The following ADA2 variants were observed in gnomAD, a reference collection of about 807,000 sequenced individuals.
ADA2 encodes adenosine deaminase 2, also known as adenosine deaminase CECR1.
A neutral mutation model predicts 44.2 loss-of-function variants in ADA2; 29 were observed. The ratio of observed to expected loss-of-function variants is 0.66; its 90% CI spans 0.49 to 0.89. The LOEUF (loss-of-function observed/expected upper bound fraction) is 0.89. Among genes scored for constraint, ADA2 ranks in the 40% least tolerant of loss-of-function variants. ADA2 has a pLI of 0.00. For missense variants in ADA2, 637 were observed against 644.8 expected (o/e 0.99, Z 0.13); for synonymous variants, 215 against 234.9 (o/e 0.92, Z 0.77).
At chr22:17,191,300 AC>A (rs1269010139) in intron 5 of ADA2, among the ~76,000 whole-genome samples, 1 of 152,196 alleles carries the variant, frequency 6.6e-6, no homozygotes, top group African/African-American at 2.4e-5. Flanking sequence ...CTCACACACA[AC>A]CACACACAGA....
chr22:17,203,405 A>G (rs1472104416), intron 4 of ADA2, among the ~76,000 whole-genome samples, 158 bp downstream of exon 4: 2 of 152,104 alleles, frequency 1.3e-5, no homozygotes, highest in Non-Finnish European at 1.5e-5. Context: ...AGTCCATTTC[A>G]GGTTTCCTTG....
At chr22:17,181,724 G>T in intron 9 of ADA2, 96 bp downstream of exon 9, 1 of 1,169,324 alleles carries the variant, frequency 8.6e-7, no homozygotes, top group Non-Finnish European at 1.3e-6. Flanking sequence ...GAACCCACAG[G>T]AACCATCGAG....
Position 17,213,049 on chromosome 22 carries a change from C to G in ADA2, c.-46-3326G>C, listed in dbSNP as rs115034209. 2.4e-3 allele frequency among the ~76,000 whole-genome samples: 365 copies of G among 151,696 alleles called. 1 individual carries two copies. The highest frequency in any genetic ancestry group is 8.5e-3 in the African/African-American group (353 of 41,296). ...AAGCGATCCTCCTGCCTCTACCTCC[C>G]GACATTCTGGGATTATAGATCTGAG... is the stretch of plus-strand genomic sequence containing the variant. On this transcript the variant is annotated intron_variant, in intron 1 of 9. Transcript: ENST00000399837.
intron 4 of ADA2, among the ~76,000 whole-genome samples, chr22:17,200,853 G>T (rs543443280): frequency 6.7e-6 from 1 of 148,408 alleles, no homozygotes; most frequent in Non-Finnish European, 1.5e-5. Context: ...TTGCACTCCA[G>T]CCTGGGCAAC....
rs1455481060 is a variant in ADA2 at position 17,180,403 on chromosome 22, G to C, written c.*1080C>G. 1.3e-5 allele frequency: 2 copies of C among 152,336 alleles called. No homozygotes were observed. Among genetic ancestry groups the C allele is most frequent in the Non-Finnish European group, 2.9e-5 (2 of 68,112 alleles). 9.4% of individuals were successfully genotyped at this position (152,336 alleles called of 1,614,324 possible). ...AGGGATGCGTTCTGATGTAGGGAGT[G>C]GGGGACGGCGCAGCATCAAGACTTG... On this transcript the variant is annotated 3_prime_UTR_variant, in exon 10 of 10. Coordinates refer to ENST00000399837, the MANE Select transcript of ADA2 (RefSeq NM_001282225.2).
At chr22:17,189,904 C>T (rs201162371) in intron 6 of ADA2, 38 bp downstream of exon 6, 83 of 1,466,524 alleles carry the variant, frequency 5.7e-5, no homozygotes, top group South Asian at 4.0e-4. Context: ...TCGCATGCCC[C>T]CTTAACAGGC....
intron 5 of ADA2, among the ~76,000 whole-genome samples, chr22:17,190,302 C>T (rs916909972): frequency 6.6e-6 from 1 of 152,182 alleles, no homozygotes; most frequent in Non-Finnish European, 1.5e-5. Context: ...AGAGGACCCA[C>T]GGGAACAGTT....
At chr22:17,192,272 C>T (rs1317813601) in intron 4 of ADA2, among the ~76,000 whole-genome samples, 2 of 152,100 alleles carry the variant, frequency 1.3e-5, no homozygotes, top group African/African-American at 4.8e-5. Context: ...CTTAAAACAG[C>T]ACATGGCACA....
At chr22:17,182,502 A>G (rs745887669) in intron 8 of ADA2, 102 bp downstream of exon 8, 57 of 1,180,196 alleles carry the variant, frequency 4.8e-5, no homozygotes, top group Non-Finnish European at 6.7e-5. Flanking sequence ...TGTAGGTAAC[A>G]AGAGAGTTAA....
chr22:17,199,433 T>TATCCTCTTCCCCACCCACCCCTCCTCA, intron 4 of ADA2: 1 of 978,042 alleles, frequency 1.0e-6, no homozygotes, highest in Non-Finnish European at 1.6e-6. Context: ...TCCCCTCCTC[T>TATCCTCTTCCCCACCCACCCCTCCTCA]ATCCTCTTCC....
At chr22:17,219,118 C>T (rs1239776696) in intron 1 of ADA2, among the ~76,000 whole-genome samples, 1 of 152,230 alleles carries the variant, frequency 6.6e-6, no homozygotes, top group Admixed American at 6.5e-5. Context: ...GATCGTGCCA[C>T]CACACTCCAG....
Position 17,181,353 on chromosome 22 carries a change from T to G in ADA2, c.*130A>C, listed in dbSNP as rs1438085343. On this transcript the variant is annotated 3_prime_UTR_variant, in exon 10 of 10. Transcript: ENST00000399837. ...GGATGAATTTGCTCAGCCAGCCAAGTGCTTCTCACAGGGTCGCTCCATACA... is the reference window on the plus strand; with the variant it reads ...GGATGAATTTGCTCAGCCAGCCAAGGGCTTCTCACAGGGTCGCTCCATACA... 5.8e-6 allele frequency: 4 copies of G among 693,024 alleles called. No homozygotes were observed. The highest frequency in any genetic ancestry group is 1.1e-5 in the Non-Finnish European group (4 of 380,038). 42.9% of individuals were successfully genotyped at this position (693,024 alleles called of 1,614,324 possible).
rs2062463557 is a variant in ADA2, at chr22:17,215,655, G to A, written c.-47+3701C>T. ...TCACGTCATTTGCACCAACATGCACGGAACTAGAAGACATAATGTTAAATG... is the reference window on the plus strand; with the variant it reads ...TCACGTCATTTGCACCAACATGCACAGAACTAGAAGACATAATGTTAAATG... On this transcript the variant is annotated intron_variant, in intron 1 of 9. Coordinates refer to ENST00000399837, the MANE Select transcript of ADA2 (RefSeq NM_001282225.2). 3.3e-5 allele frequency among the ~76,000 whole-genome samples: 5 copies of A among 151,766 alleles called. 1 individual carries two copies. In the South Asian group the frequency reaches 8.3e-4, roughly 25 times the overall value.
Position 17,188,868 on chromosome 22 carries a change from A to AAAAAAAAAAAAAAAAATATAT in ADA2, c.973-422_973-421insATATATTTTTTTTTTTTTTTT. 1.0e-3 allele frequency: 82 copies of AAAAAAAAAAAAAAAAATATAT among 81,140 alleles called. 3 individuals are homozygous for AAAAAAAAAAAAAAAAATATAT. The highest frequency in any genetic ancestry group is 3.2e-3 in the African/African-American group (75 of 23,768). The allele number at this position is 81,140 out of a possible 1,614,324, so 5.0% of individuals were successfully genotyped here. On this transcript the variant is annotated intron_variant, in intron 6 of 9. Coordinates refer to ENST00000399837, the MANE Select transcript of ADA2 (RefSeq NM_001282225.2). ...CACTACAGCCTGGCCAAGAGCAAAA[A>AAAAAAAAAAAAAAAAATATAT]ATATATATATATATATATTTTGTAA...
At chr22:17,219,112 G>A (rs1971010) in intron 1 of ADA2, among the ~76,000 whole-genome samples, 63,256 of 152,114 alleles carry the variant, frequency 0.42, 13,798 homozygotes, top group East Asian at 0.76. Context: ...AGCCGAGATC[G>A]TGCCACCACA....
rs1568964289 is a variant in ADA2 at position 17,180,574 on chromosome 22, G to A, written c.*909C>T. On this transcript the variant is annotated 3_prime_UTR_variant, in exon 10 of 10. Transcript: ENST00000399837. ...AGCACTTCGGGAGACTGCGGCAGGA[G>A]GATCACTTGAGTTGGAGACCAGCCT... is the stretch of plus-strand genomic sequence containing the variant. 6.6e-6 allele frequency: 1 copy of A among 152,128 alleles called. No individual in the cohort carries two copies. Among genetic ancestry groups the A allele is most frequent in the East Asian group, 1.9e-4 (1 of 5,164 alleles). The allele number at this position is 152,128 out of a possible 1,614,324, so 9.4% of individuals were successfully genotyped here. A position where few individuals can be genotyped will look rare whatever the true frequency, so the allele number is the denominator to read the frequency against.
intron 1 of ADA2, among the ~76,000 whole-genome samples, chr22:17,213,132 A>G (rs1053760246): frequency 6.6e-6 from 1 of 151,964 alleles, no homozygotes; most frequent in African/African-American, 2.4e-5. Flanking sequence ...TCAAAACTAC[A>G]ATGAGATCGT....
intron 2 of ADA2, among the ~76,000 whole-genome samples, chr22:17,207,546 C>G (rs1421681547): frequency 6.6e-6 from 1 of 152,036 alleles, no homozygotes; most frequent in African/African-American, 2.4e-5. Context: ...AGACATGTTT[C>G]TCGGAACTTG....
upstream of ADA2, chr22:17,221,714 T>C (rs1387595995): frequency 6.6e-6 from 1 of 152,256 alleles, no homozygotes; most frequent in African/African-American, 2.4e-5. Flanking sequence ...AGACAAGAGC[T>C]GGGCACACTT....
Sources: gnomAD v4.1 joint callset for allele counts (sites outside exome capture counted in the v4.1 genomes callset) on GRCh38, gnomAD v4.1.1 for gene constraint, MANE v1.5 for transcripts, NCBI Gene and HGNC (gene_info 2026-07-23, HGNC 2026-07-21) for gene names.